PAH: variants seen among roughly 807,000 people sequenced by gnomAD.
The protein encoded by PAH is phenylalanine hydroxylase, also known as phenylalanine-4-hydroxylase.
In PAH, 64 loss-of-function variants were observed where a neutral mutation model predicts 62.0. The ratio of observed to expected loss-of-function variants is 1.03; its 90% CI spans 0.84 to 1.27. PAH has a LOEUF of 1.27. PAH is among the 50% of genes most tolerant of loss of function. The pLI is 0.00. For missense variants in PAH, 579 were observed against 542.8 expected, an observed-to-expected ratio of 1.07 and a Z score of -0.66; for synonymous variants, 195 against 196.2, an observed-to-expected ratio of 0.99 and a Z score of 0.05.
chr12:102,917,271 A>C (rs1376601164), upstream of PAH: 2 of 747,480 alleles, frequency 2.7e-6, no homozygotes. Flanking sequence ...TGCGTGGTGC[A>C]TCTCCGCACA....
At chr12:102,883,048 G>A (rs1009906601) in intron 3 of PAH, among the ~76,000 whole-genome samples, 12 of 152,052 alleles carry the variant, frequency 7.9e-5, no homozygotes, top group Non-Finnish European at 1.5e-5. Context: ...GTCCAGCTTG[G>A]GTATTAAGAG....
At chr12:102,912,061 T>G (rs79766111) in intron 2 of PAH, among the ~76,000 whole-genome samples, 3,501 of 152,312 alleles carry the variant, frequency 0.023, 128 homozygotes, top group African/African-American at 0.078. Flanking sequence ...TGTGAATACA[T>G]GTTCTTAAAA....
intron 1 of PAH, among the ~76,000 whole-genome samples, chr12:102,936,791 G>C (rs1052748972): frequency 6.6e-6 from 1 of 152,022 alleles, no homozygotes; most frequent in African/African-American, 2.4e-5. Context: ...TGTGTTTCTT[G>C]TAGGCAACAG....
chr12:102,930,963 AGAAAAAATAAATT>A (rs1394074542), intron 1 of PAH, among the ~76,000 whole-genome samples: 1 of 152,136 alleles, frequency 6.6e-6, no homozygotes, highest in Non-Finnish European at 1.5e-5. Context: ...ATCATGTTAT[AGAAAAAATAAATT>A]ATCTGTTTAT....
At chr12:102,916,172 A>C (rs2136732678) in intron 1 of PAH, among the ~76,000 whole-genome samples, 1 of 152,190 alleles carries the variant, frequency 6.6e-6, no homozygotes, top group South Asian at 2.1e-4. Context: ...TCAAATAAAA[A>C]TCAGTCCTAA....
chr12:102,852,348 G>T (rs762462566), intron 7 of PAH: 5 of 194,792 alleles, frequency 2.6e-5, no homozygotes, highest in Non-Finnish European at 5.4e-5. Flanking sequence ...TTTTTTATAA[G>T]TTGCATAAGT....
At chr12:102,930,192 TTTTTA>T (rs1334295651) in intron 1 of PAH, among the ~76,000 whole-genome samples, 1 of 152,158 alleles carries the variant, frequency 6.6e-6, no homozygotes, top group Admixed American at 6.5e-5. Flanking sequence ...TTCAATGCTC[TTTTTA>T]TTTTATTTCT....
chr12:102,871,974 ATATATATATAT>A, intron 4 of PAH, among the ~76,000 whole-genome samples: 1 of 118,886 alleles, frequency 8.4e-6, no homozygotes. Context: ...ATATATATAT[ATATATATATAT>A]TTGCAAAACC....
upstream of PAH, chr12:102,917,577 A>G (rs971713814): frequency 1.1e-4 from 26 of 235,524 alleles, no homozygotes; most frequent in African/African-American, 5.3e-4. Context: ...AATTATATGA[A>G]TAATCCGCCC....
intron 8 of PAH, 110 bp downstream of exon 8, chr12:102,851,577 C>A (rs780323407): frequency 3.5e-6 from 3 of 860,476 alleles, no homozygotes; most frequent in Admixed American, 3.7e-5. Context: ...TAGAACTGTA[C>A]CTGGTTTCCG....
chr12:102,937,348 T>C (rs969504521), intron 1 of PAH, among the ~76,000 whole-genome samples: 4 of 152,228 alleles, frequency 2.6e-5, no homozygotes, highest in Non-Finnish European at 5.9e-5. Flanking sequence ...CCTTTCTGTC[T>C]TTCTTTTAGT....
rs1166941030 is a variant in PAH, at chr12:102,837,491, A to G, written c.*1684T>C. On this transcript the variant is annotated 3_prime_UTR_variant, in exon 13 of 13. Transcript: ENST00000553106. Reference sequence around the variant, plus strand: ...AAAAAAGTCCTTTTTCACTTTTAAAATCAGTGGGTTTTACAAAGGCATAAA... The same window carrying G: ...AAAAAAGTCCTTTTTCACTTTTAAAGTCAGTGGGTTTTACAAAGGCATAAA... 3 of 152,258 alleles carry G rather than the reference A, an allele frequency of 2.0e-5. No individual in the cohort carries two copies. The highest frequency in any genetic ancestry group is 2.9e-5 in the Non-Finnish European group (2 of 68,046). 9.4% of individuals were successfully genotyped at this position (152,258 alleles called of 1,614,324 possible).
intron 2 of PAH, among the ~76,000 whole-genome samples, chr12:102,905,606 C>T (rs1461529579): frequency 6.6e-6 from 1 of 152,004 alleles, no homozygotes; most frequent in Non-Finnish European, 1.5e-5. Flanking sequence ...CCTTGTCTAC[C>T]TTAGACAAGC....
At chr12:102,938,903 G>C (rs1879194415) in intron 1 of PAH, among the ~76,000 whole-genome samples, 1 of 152,154 alleles carries the variant, frequency 6.6e-6, no homozygotes, top group South Asian at 2.1e-4. Flanking sequence ...CACTTCAGTT[G>C]GTGGTGGCTG....
At chr12:102,946,288 C>T (rs952225595) in intron 1 of PAH, among the ~76,000 whole-genome samples, 1 of 152,212 alleles carries the variant, frequency 6.6e-6, no homozygotes, top group Non-Finnish European at 1.5e-5. Flanking sequence ...GGTCATGTGC[C>T]CCGCAAGTCC....
chr12:102,859,862 A>G (rs1875638217), intron 5 of PAH, among the ~76,000 whole-genome samples: 1 of 152,224 alleles, frequency 6.6e-6, no homozygotes, highest in Non-Finnish European at 1.5e-5. Flanking sequence ...CCCACAGCCA[A>G]TATCATACTG....
chr12:102,894,624 A>G (rs1302143278), intron 3 of PAH, 111 bp downstream of exon 3: 24 of 842,312 alleles, frequency 2.8e-5, no homozygotes, highest in Non-Finnish European at 4.6e-5. Context: ...AATAACAGCA[A>G]TATATATTAA....
intron 4 of PAH, among the ~76,000 whole-genome samples, chr12:102,871,930 AAAAAAAAAAAAAAAAAAAAATAT>A (rs1256132899): frequency 8.8e-6 from 1 of 114,104 alleles, no homozygotes; most frequent in Non-Finnish European, 1.7e-5. Flanking sequence ...CTCAAAAAAA[AAAAAAAAAAAAAAAAAAAAATAT>A]ATATATATAT....
chr12:102,879,289 C>T (rs991011116), intron 3 of PAH, among the ~76,000 whole-genome samples: 3 of 151,876 alleles, frequency 2.0e-5, no homozygotes, highest in Admixed American at 6.6e-5. Context: ...AAGCAAAGGG[C>T]GCCGCTCAGC....
Sources: allele counts gnomAD v4.1 joint callset (sites outside exome capture counted in the v4.1 genomes callset), GRCh38; gene constraint gnomAD v4.1.1; transcripts MANE v1.5; gene names NCBI Gene and HGNC (gene_info 2026-07-23, HGNC 2026-07-21).